PCDHGA11: variants seen among roughly 807,000 people sequenced by gnomAD.
PCDHGA11 encodes the protein protocadherin gamma-A11.
PCDHGA11 carries 39 observed loss-of-function variants against 60.4 expected under a neutral mutation model. That is an observed-to-expected ratio of 0.65 (90% CI 0.50 to 0.84). The LOEUF is 0.84. Ranked by LOEUF, PCDHGA11 falls within the 40% of genes least tolerant of loss-of-function variation. The pLI is 0.00. For missense variants in PCDHGA11, 1,165 were observed against 1,197.7 expected (o/e 0.97, Z 0.40); for synonymous variants, 533 against 510.3 (o/e 1.04, Z -0.60).
intron 2 of PCDHGA11, among the ~76,000 whole-genome samples, chr5:141,497,132 G>T (rs2099774325): frequency 6.6e-6 from 1 of 152,046 alleles, no homozygotes; most frequent in Non-Finnish European, 1.5e-5. Context: ...GTTGCAGTGA[G>T]CTGAGATCAC....
Position 141,489,753 on chromosome 5 carries a change from T to A in PCDHGA11, c.2434-5054T>A, listed in dbSNP as rs549652158. On this transcript the variant is annotated intron_variant, in intron 1 of 3. Transcript: ENST00000398587. The surrounding 1 kb of genome is among the most constrained non-coding windows in gnomAD (Gnocchi z 4.5). ...GCACCAATACTGTGAGCTTTTACAC[T>A]CTAAGCCCCAACAGCCACTTCTCTC... 6.2e-7 allele frequency: 1 copy of A among 1,614,070 alleles called. No homozygotes were observed. The highest frequency in any genetic ancestry group is 2.2e-5 in the East Asian group (1 of 44,866).
At position 141,505,403 on chromosome 5, in the gene PCDHGA11, G is replaced by A; in HGVS notation, c.2503G>A (p.Gly835Ser). The A allele has an allele frequency of 6.2e-7, 1 of 1,614,186 alleles. No individual in the cohort carries two copies. The highest frequency in any genetic ancestry group is 8.5e-7 in the Non-Finnish European group (1 of 1,180,038). ...QRPGTSGSQN[G>S]DDTGTWPNNQ... ...CTACTCTCTCCCCAGCTCCCAAAAT[G>A]GCGATGACACCGGCACCTGGCCCAA... Residue 835 changes from glycine (G) to serine (S), a missense_variant, in exon 3 of 4, where the codon GGC (glycine) becomes AGC (serine). Coordinates refer to ENST00000398587, the MANE Select transcript of PCDHGA11 (RefSeq NM_018914.3).
rs369940443 is a variant in PCDHGA11, at chr5:141,477,841, C to G, written c.2434-16966C>G. 6.2e-7 allele frequency: 1 copy of G among 1,613,308 alleles called. No individual in the cohort carries two copies. The highest frequency in any genetic ancestry group is 1.3e-5 in the African/African-American group (1 of 74,700). On this transcript the variant is annotated intron_variant, in intron 1 of 3. Coordinates refer to ENST00000398587, the MANE Select transcript of PCDHGA11 (RefSeq NM_018914.3). The surrounding 1 kb of genome is among the most constrained non-coding windows in gnomAD (Gnocchi z 4.9). ...TCCTATATCCTCGGCCAGGTGGGAG[C>G]TCGGTGGAGATGCTGCCTCGAGGTA...
At position 141,431,994 on chromosome 5, in the gene PCDHGA11, G is replaced by C; in HGVS notation, c.2433+8334G>C. ...TTAGTCACAGACATAGTCTTGGATA[G>C]GGAACAGGTTCCTAGCTACAACATC... is the stretch of plus-strand genomic sequence containing the variant. On this transcript the variant is annotated intron_variant, in intron 1 of 3. Coordinates refer to ENST00000398587, the MANE Select transcript of PCDHGA11 (RefSeq NM_018914.3). The surrounding 1 kb of genome is among the most constrained non-coding windows in gnomAD (Gnocchi z 4.8). 1.9e-6 allele frequency: 3 copies of C among 1,614,188 alleles called. 1 individual carries two copies. The highest frequency in any genetic ancestry group is 2.2e-5 in the South Asian group (2 of 91,082).
rs139211149 is a variant in PCDHGA11, at chr5:141,426,067, G to A, written c.2433+2407G>A. Among the ~76,000 whole-genome samples, 5 of 152,328 alleles carry A rather than the reference G, an allele frequency of 3.3e-5. No individual in the cohort carries two copies. The East Asian group carries it at 9.6e-4, about 29-fold the overall frequency. On this transcript the variant is annotated intron_variant, in intron 1 of 3. Coordinates refer to ENST00000398587, the MANE Select transcript of PCDHGA11 (RefSeq NM_018914.3). Reference sequence around the variant, plus strand: ...TGGCCAATGTGCTGCAAGAACTGGAGCCTGGGATCTACCAGGACGATATTC... The same window carrying A: ...TGGCCAATGTGCTGCAAGAACTGGAACCTGGGATCTACCAGGACGATATTC...
At position 141,491,828 on chromosome 5, in the gene PCDHGA11, G is replaced by C. The variant is rs1389234164; in HGVS notation, c.2434-2979G>C. ...CTTGGTCGCTGGCTGCGCTCCACCC[G>C]ATTCTCGGGATCATTGGACCGTTTG... On this transcript the variant is annotated intron_variant, in intron 1 of 3. Coordinates refer to ENST00000398587, the MANE Select transcript of PCDHGA11 (RefSeq NM_018914.3). The surrounding 1 kb of genome is among the most constrained non-coding windows in gnomAD (Gnocchi z 6.9). 4.1e-6 allele frequency: 6 copies of C among 1,475,668 alleles called. No homozygotes were observed. The highest frequency in any genetic ancestry group is 5.4e-6 in the Non-Finnish European group (6 of 1,113,522). 91.4% of individuals were successfully genotyped at this position (1,475,668 alleles called of 1,614,324 possible).
In PCDHGA11 at chr5:141,438,621, TATATATATATATATACACAC is replaced by T. The variant is rs1185208192; in HGVS notation, c.2433+14963_2433+14982del. Among the ~76,000 whole-genome samples, 212 of 41,372 alleles carry T rather than the reference TATATATATATATATACACAC, an allele frequency of 5.1e-3. 1 individual carries two copies. The highest frequency in any genetic ancestry group is 0.03 in the African/African-American group (177 of 5,808). 27.1% of individuals were successfully genotyped at this position (41,372 alleles called of 152,430 possible). On this transcript the variant is annotated intron_variant, in intron 1 of 3. Transcript: ENST00000398587. ...ATATATATATATATATATATATATA[TATATATATATATATACACAC>T]ACACACACACATATATGTATATATA...
Position 141,421,418 on chromosome 5 carries a change from G to A in PCDHGA11, c.191G>A (p.Gly64Glu), listed in dbSNP as rs771088122. Residue 64 changes from glycine to glutamate, a missense_variant, in exon 1 of 4, where the codon GGA becomes GAA. Gly to Glu is a moderately conservative substitution (Grantham distance 98, BLOSUM62 -2). Transcript: ENST00000398587. ...GLEPRELAKR[G>E]VRIVSRGKTQ... Reference sequence around the variant, plus strand: ...GAGCCCCGGGAGCTGGCGAAGCGCGGAGTCCGCATCGTCTCCAGAGGGAAG... The same window carrying A: ...GAGCCCCGGGAGCTGGCGAAGCGCGAAGTCCGCATCGTCTCCAGAGGGAAG... 6.2e-7 allele frequency: 1 copy of A among 1,614,086 alleles called. No individual in the cohort carries two copies. Among genetic ancestry groups the A allele is most frequent in the Admixed American group, 1.7e-5 (1 of 60,036 alleles).
intron 1 of PCDHGA11, chr5:141,426,692 C>T: frequency 2.3e-6 from 1 of 435,472 alleles, no homozygotes; most frequent in Non-Finnish European, 4.7e-6. Flanking sequence ...CCCAAAATAG[C>T]ATTGTTTTAC....
Position 141,486,087 on chromosome 5 carries a change from T to G in PCDHGA11, c.2434-8720T>G. 4 of 1,614,176 alleles carry G rather than the reference T, an allele frequency of 2.5e-6. No individual in the cohort carries two copies. The highest frequency in any genetic ancestry group is 3.4e-6 in the Non-Finnish European group (4 of 1,180,028). ...CCCACTACTGGAAAGCTTACTCTTT[T>G]GGGGCCCCTAGACTTTGAGAGTGAG... On this transcript the variant is annotated intron_variant, in intron 1 of 3. Coordinates refer to ENST00000398587, the MANE Select transcript of PCDHGA11 (RefSeq NM_018914.3). This position sits in a 1 kb window ranked among gnomAD's most constrained non-coding sequence, Gnocchi z 5.0.
chr5:141,449,932 A>T (rs1275797555), intron 1 of PCDHGA11, among the ~76,000 whole-genome samples: 6 of 151,660 alleles, frequency 4.0e-5, no homozygotes, highest in Non-Finnish European at 5.9e-5. Flanking sequence ...CATACCTTAT[A>T]GTATATTTTA....
At position 141,491,658 on chromosome 5, in the gene PCDHGA11, C is replaced by A; in HGVS notation, c.2434-3149C>A. 1 of 1,613,822 alleles carries A rather than the reference C, an allele frequency of 6.2e-7. No homozygotes were observed. The highest frequency in any genetic ancestry group is 8.5e-7 in the Non-Finnish European group (1 of 1,180,016). On this transcript the variant is annotated intron_variant, in intron 1 of 3. Coordinates refer to ENST00000398587, the MANE Select transcript of PCDHGA11 (RefSeq NM_018914.3). The surrounding 1 kb of genome is among the most constrained non-coding windows in gnomAD (Gnocchi z 6.9). ...CCACAGCTCTGGCGCTGGAGCCTGA[C>A]GCCATCCGGTCCCGCTCTAATACGC... is the stretch of plus-strand genomic sequence containing the variant.
In PCDHGA11 at chr5:141,485,109, C is replaced by A; in HGVS notation, c.2434-9698C>A. ...AGATAGGTGTCTCCAGCTGCTGTGG[C>A]TGTTTGGGGCGGGTCGGCTTCATCC... On this transcript the variant is annotated intron_variant, in intron 1 of 3. Transcript: ENST00000398587. This position sits in a 1 kb window ranked among gnomAD's most constrained non-coding sequence, Gnocchi z 5.7. The A allele has an allele frequency of 1.6e-6, 2 of 1,230,962 alleles. No individual in the cohort carries two copies. The highest frequency in any genetic ancestry group is 2.4e-6 in the Non-Finnish European group (2 of 850,024). The allele number at this position is 1,230,962 out of a possible 1,614,324, so 76.3% of individuals were successfully genotyped here.
chr5:141,432,250 A>T lies in PCDHGA11; in HGVS notation c.2433+8590A>T. ...ATTCCCTGGCTGAGAACACCATCCA[A>T]GGGGCAAGCCTATCGTCCTACGTGT... is the stretch of plus-strand genomic sequence containing the variant. On this transcript the variant is annotated intron_variant, in intron 1 of 3. Transcript: ENST00000398587. This position sits in a 1 kb window ranked among gnomAD's most constrained non-coding sequence, Gnocchi z 6.0. 1 of 1,614,234 alleles carries T rather than the reference A, an allele frequency of 6.2e-7. No homozygotes were observed. Among genetic ancestry groups the T allele is most frequent in the Non-Finnish European group, 8.5e-7 (1 of 1,180,054 alleles).
At chr5:141,464,929 G>A (rs1358204606) in intron 1 of PCDHGA11, among the ~76,000 whole-genome samples, 1 of 151,878 alleles carries the variant, frequency 6.6e-6, no homozygotes, top group Non-Finnish European at 1.5e-5. Flanking sequence ...TTGTAGAGAT[G>A]TGAGGTCTCA....
intron 1 of PCDHGA11, among the ~76,000 whole-genome samples, chr5:141,480,839 G>A (rs1397361640): frequency 6.6e-6 from 1 of 152,196 alleles, no homozygotes; most frequent in Non-Finnish European, 1.5e-5. Context: ...AAGATCAGGA[G>A]TTTGAGACCA....
chr5:141,483,711 A>G (rs1258383632), intron 1 of PCDHGA11, among the ~76,000 whole-genome samples: 2 of 152,122 alleles, frequency 1.3e-5, no homozygotes, highest in African/African-American at 2.4e-5. Context: ...TGACACCAGA[A>G]TATTGGTTCC....
chr5:141,478,711 T>A, intron 1 of PCDHGA11: 1 of 1,547,346 alleles, frequency 6.5e-7, no homozygotes, highest in Non-Finnish European at 8.7e-7. Flanking sequence ...CTTTGTGAGA[T>A]GGTGGCCTGC....
intron 1 of PCDHGA11, among the ~76,000 whole-genome samples, chr5:141,450,424 CTTTAA>C (rs2098679800): frequency 1.3e-5 from 2 of 152,146 alleles, no homozygotes; most frequent in East Asian, 3.9e-4. Context: ...TGTATAATGC[CTTTAA>C]TTTATATTTG....
Sources: gnomAD v4.1 joint callset for allele counts (sites outside exome capture counted in the v4.1 genomes callset) on GRCh38, gnomAD v4.1.1 for gene constraint, Gnocchi (gnomAD v3.1) non-coding constraint, MANE v1.5 for transcripts, NCBI Gene and HGNC (gene_info 2026-07-23, HGNC 2026-07-21) for gene names.